The following TNKS variants were observed in gnomAD, a reference collection of about 807,000 sequenced individuals.
TNKS encodes the protein poly [ADP-ribose] polymerase tankyrase-1.
TNKS carries 72 observed loss-of-function variants against 135.8 expected under a neutral mutation model. The observed-to-expected ratio is 0.53, with a 90% CI of 0.44 to 0.64. The LOEUF (loss-of-function observed/expected upper bound fraction) is 0.64. Among genes scored for constraint, TNKS ranks in the 30% least tolerant of loss-of-function variants. The pLI is 0.00. For synonymous variants in TNKS, 849 were observed against 649.3 expected (o/e 1.31, Z -4.68); for missense variants, 1,769 against 1,674.0 (o/e 1.06, Z -0.99).
intron 1 of TNKS, among the ~76,000 whole-genome samples, chr8:9,579,948 C>T (rs1039942269): frequency 1.3e-5 from 2 of 152,112 alleles, no homozygotes; most frequent in Admixed American, 6.6e-5. Context: ...TTTGAATGAA[C>T]AGCCCAAAGA....
At chr8:9,772,809 T>TTG (rs368113364) in intron 26 of TNKS, among the ~76,000 whole-genome samples, 2,861 of 86,580 alleles carry the variant, frequency 0.033, 58 homozygotes, top group East Asian at 0.039. Context: ...GTGTGTGTGT[T>TTG]TGTGTGTGTG....
At chr8:9,771,521 G>A (rs866566552) in intron 26 of TNKS, among the ~76,000 whole-genome samples, 1 of 145,748 alleles carries the variant, frequency 6.9e-6, no homozygotes. Context: ...GGGAGAGAGA[G>A]GAAGGGAGGG....
chr8:9,683,415 A>C (rs1258546603), intron 5 of TNKS, among the ~76,000 whole-genome samples: 1 of 152,082 alleles, frequency 6.6e-6, no homozygotes, highest in African/African-American at 2.4e-5. Flanking sequence ...TTTCATATGT[A>C]GTAAATCAGG....
intron 21 of TNKS, among the ~76,000 whole-genome samples, chr8:9,762,861 C>G (rs889610965): frequency 6.7e-6 from 1 of 149,912 alleles, no homozygotes; most frequent in African/African-American, 2.5e-5. Flanking sequence ...GCCGAGATCA[C>G]GTCACTGCAC....
chr8:9,728,958 G>T (rs4305907), intron 13 of TNKS, among the ~76,000 whole-genome samples: 6 of 151,998 alleles, frequency 3.9e-5, no homozygotes, highest in Non-Finnish European at 8.8e-5. Context: ...ACCATAGACT[G>T]GGCAATTTCT....
chr8:9,617,129 T>A (rs1165329974), intron 3 of TNKS, among the ~76,000 whole-genome samples: 1 of 152,246 alleles, frequency 6.6e-6, no homozygotes, highest in African/African-American at 2.4e-5. Flanking sequence ...TTCACTTTTT[T>A]AAAAGGCAAA....
At chr8:9,610,014 C>T (rs1470106866) in intron 2 of TNKS, among the ~76,000 whole-genome samples, 3 of 152,024 alleles carry the variant, frequency 2.0e-5, no homozygotes, top group East Asian at 1.9e-4. Flanking sequence ...CCCGCCACCA[C>T]GCCTGGCTAA....
chr8:9,708,537 C>A, intron 9 of TNKS, 45 bp downstream of exon 9: 1 of 1,422,402 alleles, frequency 7.0e-7, no homozygotes, highest in Non-Finnish European at 9.3e-7. Context: ...ATAATAATAA[C>A]GTAAGCACAA....
chr8:9,672,274 C>T (rs1731763407), intron 3 of TNKS, among the ~76,000 whole-genome samples: 1 of 152,140 alleles, frequency 6.6e-6, no homozygotes, highest in African/African-American at 2.4e-5. Context: ...CAGTTTTAGG[C>T]ATCCACTTAC....
chr8:9,776,642 C>T lies in TNKS; in HGVS notation c.3898-8C>T, dbSNP rs148607678. On this transcript the variant is annotated splice_region_variant and splice_polypyrimidine_tract_variant and intron_variant, in intron 26 of 26. Transcript: ENST00000310430. ...AGGGTGATTTGTTTTTCTTCTTGTC[C>T]TTCCCAGGCATACCCAGAGTATCTT... The T allele has an allele frequency of 1.6e-3, 2,645 of 1,613,482 alleles. 35 individuals are homozygous for T. In the African/African-American group the frequency reaches 0.031, roughly 19 times the overall value.
intron 2 of TNKS, among the ~76,000 whole-genome samples, chr8:9,589,741 G>C (rs937423051): frequency 6.6e-6 from 1 of 152,250 alleles, no homozygotes; most frequent in Non-Finnish European, 1.5e-5. Flanking sequence ...AGGAAGAGAA[G>C]AAAGTAAAAA....
chr8:9,608,096 A>C (rs1178996075), intron 2 of TNKS, among the ~76,000 whole-genome samples: 1 of 152,038 alleles, frequency 6.6e-6, no homozygotes, highest in African/African-American at 2.4e-5. Flanking sequence ...GCGTGCCATC[A>C]CGCCTGGCTC....
At chr8:9,635,721 T>C (rs755063982) in intron 3 of TNKS, among the ~76,000 whole-genome samples, 2 of 152,214 alleles carry the variant, frequency 1.3e-5, no homozygotes, top group Admixed American at 6.5e-5. Context: ...GTATTCTGGC[T>C]AGGGAGGCAT....
chr8:9,581,568 C>T (rs1029071101), intron 2 of TNKS, among the ~76,000 whole-genome samples: 1 of 152,196 alleles, frequency 6.6e-6, no homozygotes, highest in Non-Finnish European at 1.5e-5. Flanking sequence ...TAAATGATAA[C>T]TATTATTGAG....
rs375796209 is a variant in TNKS, at chr8:9,585,439, C to T, written c.898+5056C>T. Among the ~76,000 whole-genome samples the T allele has an allele frequency of 3.6e-4, 55 of 152,000 alleles. 2 individuals carry two copies. The highest frequency in any genetic ancestry group is 2.2e-3 in the Admixed American group (34 of 15,280). On this transcript the variant is annotated intron_variant, in intron 2 of 26. Transcript: ENST00000310430. The stretch of plus-strand genomic sequence containing the variant: ...GAAACCTATCTTGAGATTGAAAAGG[C>T]TCAGGGAGCTCCATATGAGATTGAT...
chr8:9,704,119 C>A (rs34422213), intron 5 of TNKS, among the ~76,000 whole-genome samples: 20,998 of 152,088 alleles, frequency 0.14, 1,641 homozygotes, highest in Admixed American at 0.23. Context: ...CATTACTAGC[C>A]GCCGTACAGA....
intron 6 of TNKS, 129 bp downstream of exon 6, chr8:9,704,886 C>A: frequency 1.8e-6 from 1 of 555,142 alleles, no homozygotes; most frequent in Non-Finnish European, 3.0e-6. Context: ...ATGTTCATAA[C>A]TCTGGTTTGA....
intron 3 of TNKS, among the ~76,000 whole-genome samples, chr8:9,672,509 CAAGG>C (rs1364741659): frequency 1.3e-5 from 2 of 151,880 alleles, no homozygotes; most frequent in African/African-American, 4.8e-5. Flanking sequence ...GATTTGCAAA[CAAGG>C]GAGTGTGAAT....
chr8:9,742,567 TTAAAG>T (rs879358166), intron 17 of TNKS, among the ~76,000 whole-genome samples: 3 of 151,774 alleles, frequency 2.0e-5, no homozygotes, highest in Non-Finnish European at 2.9e-5. Context: ...ATTAATAGAC[TTAAAG>T]TAAGGCTAGG....
Sources: allele counts gnomAD v4.1 joint callset (sites outside exome capture counted in the v4.1 genomes callset), GRCh38; gene constraint gnomAD v4.1.1; transcripts MANE v1.5; gene names NCBI Gene and HGNC (gene_info 2026-07-23, HGNC 2026-07-21).